The following REXO1 variants were observed in gnomAD, a reference collection of about 807,000 sequenced individuals.
The protein encoded by REXO1 is RNA exonuclease 1 homolog, also known as REX1, RNA exonuclease 1 homolog.
Under a neutral mutation model 102.6 loss-of-function variants are expected in REXO1, and 42 were observed. The observed-to-expected ratio is 0.41, with a 90% CI of 0.32 to 0.53. REXO1 has a LOEUF of 0.53. REXO1 is among the 20% of genes least tolerant of loss of function. The probability of loss-of-function intolerance (pLI) is 0.27; values close to 1 mark genes in which losing one functional copy is unlikely to be tolerated. For missense variants in REXO1, 1,819 were observed against 1,732.5 expected, an observed-to-expected ratio of 1.05 and a Z score of -0.89; for synonymous variants, 908 against 779.1, an observed-to-expected ratio of 1.17 and a Z score of -2.76.
chr19:1,842,462 CG>C (rs2145332664), intron 1 of REXO1, among the ~76,000 whole-genome samples: 1 of 152,380 alleles, frequency 6.6e-6, no homozygotes, highest in South Asian at 2.1e-4. Flanking sequence ...ACCGCCCTGT[CG>C]GGATCAGTCA....
rs1321636994 is a variant in REXO1, at chr19:1,828,233, C to T, written c.556G>A (p.Asp186Asn). ...PGSKYSLASL[D>N]RGQGRGGGGG... ...CCTCCACCTCTGCCCTGACCCCTGTCCAGGGACGCCAGCGAGTACTTGCTG... is the reference window on the plus strand; with the variant it reads ...CCTCCACCTCTGCCCTGACCCCTGTTCAGGGACGCCAGCGAGTACTTGCTG... The change falls in exon 2 of 16, where the codon GAC (aspartate) becomes AAC (asparagine). Residue 186 changes from aspartate (D) to asparagine (N), a missense_variant. By Grantham distance (23) the Asp-to-Asn change is conservative (BLOSUM62 1). Transcript: ENST00000170168. The T allele has an allele frequency of 6.2e-7, 1 of 1,606,460 alleles. No individual in the cohort carries two copies. Among genetic ancestry groups the T allele is most frequent in the Non-Finnish European group, 8.5e-7 (1 of 1,176,754 alleles).
chr19:1,845,256 G>A lies in REXO1; in HGVS notation c.157+2946C>T, dbSNP rs114793399. 8.8e-3 allele frequency among the ~76,000 whole-genome samples: 1,333 copies of A among 152,302 alleles called. 18 individuals carry two copies. Among genetic ancestry groups the A allele is most frequent in the African/African-American group, 0.031 (1,278 of 41,550 alleles). On this transcript the variant is annotated intron_variant, in intron 1 of 15. Transcript: ENST00000170168. The stretch of plus-strand genomic sequence containing the variant: ...CCAACTCACAAGGCTGGGATAGAAC[G>A]TGCCCCTCTAGGCCGGGGATGCACA...
chr19:1,848,429 C>A lies in REXO1; in HGVS notation c.-71G>T. The A allele has an allele frequency of 5.6e-6, 6 of 1,077,644 alleles. No homozygotes were observed. In the South Asian group the frequency reaches 2.2e-4, roughly 40 times the overall value. 66.8% of individuals were successfully genotyped at this position (1,077,644 alleles called of 1,614,324 possible). A position where few individuals can be genotyped will look rare whatever the true frequency, so the allele number is the denominator to read the frequency against. ...AGGGCCCCCTCACTGGCGCCGCGGT[C>A]GCCGCCGCCCGCGCCTCACGGACCC... is the stretch of plus-strand genomic sequence containing the variant. On this transcript the variant is annotated 5_prime_UTR_variant, in exon 1 of 16. Transcript: ENST00000170168.
chr19:1,827,665 T>C lies in REXO1; in HGVS notation c.1124A>G (p.Lys375Arg). ...GGCCCCGGTTTTTTTCTTCTTGGGT[T>C]TTCCCTCCTTGGGGCAGCCCCCATC... is the stretch of plus-strand genomic sequence containing the variant. ...SQDGGCPKEG[K>R]PKKKKTGAPP... The change falls in exon 2 of 16, where the codon AAA becomes AGA. Residue 375 changes from lysine (K) to arginine (R), a missense_variant. Transcript: ENST00000170168. 18 of 1,567,640 alleles carry C rather than the reference T, an allele frequency of 1.1e-5. No individual in the cohort carries two copies. Among genetic ancestry groups the C allele is most frequent in the Non-Finnish European group, 1.5e-5 (18 of 1,171,398 alleles).
intron 14 of REXO1, 24 bp from the exon 15 acceptor site, chr19:1,816,369 C>T (rs757676704): frequency 3.8e-6 from 6 of 1,591,242 alleles, no homozygotes; most frequent in East Asian, 2.3e-5. Context: ...CAGAGATCAG[C>T]GCACGTGGGG....
At chr19:1,824,933 G>C (rs1010072844) in intron 3 of REXO1, among the ~76,000 whole-genome samples, 1 of 151,898 alleles carries the variant, frequency 6.6e-6, no homozygotes, top group Non-Finnish European at 1.5e-5. Flanking sequence ...TTACAGGTGC[G>C]TGCCACCGCG....
In REXO1 at chr19:1,827,232, G is replaced by A. The variant is rs527250114; in HGVS notation, c.1557C>T (p.Ala519=). The change falls in exon 2 of 16, where the codon GCC becomes GCT. Residue 519 remains alanine (A), a synonymous_variant. Coordinates refer to ENST00000170168, the MANE Select transcript of REXO1 (RefSeq NM_020695.4). ...CCTCACTCTCGTCCCCAAAGAGGTC[G>A]GCGTGGCTCAGGGCCCGCTTCTTCA... ...PKLKKRALSH[A]DLFGDESEDE... The A allele has an allele frequency of 3.5e-5, 54 of 1,548,188 alleles. No homozygotes were observed. Among genetic ancestry groups the A allele is most frequent in the South Asian group, 1.1e-4 (9 of 85,132 alleles).
rs866945046 is a variant in REXO1 at position 1,826,949 on chromosome 19, C to T, written c.1840G>A (p.Glu614Lys). The change falls in exon 2 of 16, where the codon GAG becomes AAG. Residue 614 changes from glutamate (E) to lysine (K), a missense_variant. Physicochemically the swap from Glu to Lys is moderately conservative, Grantham distance 56 (BLOSUM62 1). Coordinates refer to ENST00000170168, the MANE Select transcript of REXO1 (RefSeq NM_020695.4). This position sits in a 1 kb window ranked among gnomAD's most constrained non-coding sequence, Gnocchi z 4.3. ...KEVDFDSDPM[E>K]ECLRIFNEST... The stretch of plus-strand genomic sequence containing the variant: ...TCGTTGAAGATCCGCAGGCACTCCT[C>T]CATGGGGTCGGAGTCAAAGTCCACC... 2 of 1,579,578 alleles carry T rather than the reference C, an allele frequency of 1.3e-6. No homozygotes were observed. The highest frequency in any genetic ancestry group is 1.8e-5 in the Admixed American group (1 of 55,614).
chr19:1,816,190 G>C (rs765133979), intron 15 of REXO1, 35 bp downstream of exon 15: 1 of 1,565,354 alleles, frequency 6.4e-7, no homozygotes, highest in Non-Finnish European at 8.7e-7. Flanking sequence ...CGGCCCCTGC[G>C]CAGGGACGGC....
intron 5 of REXO1, 61 bp downstream of exon 5, chr19:1,821,458 T>C: frequency 6.2e-7 from 1 of 1,600,992 alleles, no homozygotes; most frequent in Non-Finnish European, 8.5e-7. Context: ...AGGTCCCATG[T>C]GGCCGGGCCT....
chr19:1,847,415 G>C (rs978029579), intron 1 of REXO1, among the ~76,000 whole-genome samples: 2 of 152,186 alleles, frequency 1.3e-5, no homozygotes, highest in Admixed American at 6.5e-5. Context: ...GGGTGAAGCA[G>C]AGAGCCACTA....
rs147979300 is a variant in REXO1, at chr19:1,817,812, C to G, written c.3017-32G>C. 1.3e-5 allele frequency: 21 copies of G among 1,584,152 alleles called. No homozygotes were observed. In the Admixed American group the frequency reaches 1.9e-4, roughly 14 times the overall value. On this transcript the variant is annotated intron_variant, in intron 10 of 15. Coordinates refer to ENST00000170168, the MANE Select transcript of REXO1 (RefSeq NM_020695.4). ...GGGACACAGACACACAGTCAGGGCC[C>G]GGCCAGGCCCACTCCACAGCCCCCG...
At chr19:1,835,711 T>C (rs914697279) in intron 1 of REXO1, among the ~76,000 whole-genome samples, 1 of 152,134 alleles carries the variant, frequency 6.6e-6, no homozygotes, top group Non-Finnish European at 1.5e-5. Context: ...CTGGGAAACA[T>C]GGTGAATTGG....
At chr19:1,846,692 C>G (rs959181652) in intron 1 of REXO1, among the ~76,000 whole-genome samples, 21 of 152,160 alleles carry the variant, frequency 1.4e-4, no homozygotes, top group African/African-American at 5.1e-4. Flanking sequence ...AGTTTTGAGA[C>G]AAGCCTGGAC....
chr19:1,846,105 CCTGT>C (rs1354450190), intron 1 of REXO1, among the ~76,000 whole-genome samples: 35 of 152,176 alleles, frequency 2.3e-4, no homozygotes, highest in African/African-American at 8.0e-4. Flanking sequence ...GGCCAGCGTT[CCTGT>C]CTATCTCCTC....
In REXO1 at chr19:1,815,929, C is replaced by A; in HGVS notation, c.*137G>T. ...TGGGCTGGGCTGGGCGTTCTCTGGC[C>A]GCCAGCTCATCCCGCTGCTCTGGGC... On this transcript the variant is annotated 3_prime_UTR_variant, in exon 16 of 16. Transcript: ENST00000170168. This position sits in a 1 kb window ranked among gnomAD's most constrained non-coding sequence, Gnocchi z 4.0. 6.5e-7 allele frequency: 1 copy of A among 1,534,770 alleles called. No individual in the cohort carries two copies. Among genetic ancestry groups the A allele is most frequent in the Non-Finnish European group, 8.7e-7 (1 of 1,146,456 alleles).
rs1600525340 is a variant in REXO1, at chr19:1,821,564, G to A, written c.2349C>T (p.Thr783=). 2 of 1,613,960 alleles carry A rather than the reference G, an allele frequency of 1.2e-6. No individual in the cohort carries two copies. The highest frequency in any genetic ancestry group is 1.7e-6 in the Non-Finnish European group (2 of 1,179,902). Residue 783 remains threonine (T), a synonymous_variant, in exon 5 of 16, where the codon ACC becomes ACT. Coordinates refer to ENST00000170168, the MANE Select transcript of REXO1 (RefSeq NM_020695.4). ...CGATTCGCTTAGGGATGATGGTGGT[G>A]GTAGTCTTGGACGCCATCCCCGACA... ...RTLSGMASKT[T]TTIIPKRIAH...
intron 1 of REXO1, among the ~76,000 whole-genome samples, chr19:1,840,886 G>C (rs978930570): frequency 1.3e-5 from 2 of 152,174 alleles, no homozygotes; most frequent in African/African-American, 4.8e-5. Flanking sequence ...TGTGGTGTGT[G>C]TGTCCAGGCT....
intron 1 of REXO1, 91 bp from the exon 2 acceptor site, chr19:1,828,722 G>A: frequency 7.1e-7 from 1 of 1,412,372 alleles, no homozygotes; most frequent in Non-Finnish European, 9.4e-7. Flanking sequence ...GCAGGGAAGG[G>A]AAGAGACCTG....
Sources: gnomAD v4.1 joint callset for allele counts (sites outside exome capture counted in the v4.1 genomes callset) on GRCh38, gnomAD v4.1.1 for gene constraint, Gnocchi (gnomAD v3.1) non-coding constraint, MANE v1.5 for transcripts, NCBI Gene and HGNC (gene_info 2026-07-23, HGNC 2026-07-21) for gene names.